The following RUVBL2 variants were observed in gnomAD, a reference collection of about 807,000 sequenced individuals.
RUVBL2 encodes ruvB-like 2.
A neutral mutation model predicts 57.9 loss-of-function variants in RUVBL2; 9 were observed. That is an observed-to-expected ratio of 0.16 (90% CI 0.09 to 0.27). RUVBL2 has a LOEUF of 0.27. Among genes scored for constraint, RUVBL2 ranks in the 10% least tolerant of loss-of-function variants. The pLI, the probability that RUVBL2 is intolerant of heterozygous loss-of-function variation, is 1.00. For missense variants in RUVBL2, 456 were observed against 669.6 expected (o/e 0.68, Z 3.52); for synonymous variants, 278 against 264.6 (o/e 1.05, Z -0.49).
At chr19:49,006,900 T>C (rs2039291648) in intron 4 of RUVBL2, 118 bp from the exon 5 acceptor site, 3 of 1,330,018 alleles carry the variant, frequency 2.3e-6, no homozygotes, top group East Asian at 2.3e-5. Context: ...AGTCCTTACA[T>C]GTAGGATGGC....
Position 49,015,590 on chromosome 19 carries a change from G to A in RUVBL2, c.1270G>A (p.Asp424Asn). 6.2e-7 allele frequency: 1 copy of A among 1,614,000 alleles called. No homozygotes were observed. Among genetic ancestry groups the A allele is most frequent in the Non-Finnish European group, 8.5e-7 (1 of 1,179,974 alleles). The change falls in exon 14 of 15, where the codon GAT becomes AAT. Residue 424 changes from aspartate to asparagine, a missense_variant. Around this residue, in one of 5 missense-constraint regions of RUVBL2, gnomAD observed 67 missense variants for 71.5 expected, o/e 0.94. Transcript: ENST00000595090. ...CCTCCAGGGTACAGAAGTGCAGGTG[G>A]ATGACATCAAGCGGGTCTACTCACT... is the stretch of plus-strand genomic sequence containing the variant. ...RKRKGTEVQV[D>N]DIKRVYSLFL...
At chr19:49,003,157 A>G (rs1467082720) in intron 2 of RUVBL2, 122 bp from the exon 3 acceptor site, 3 of 811,072 alleles carry the variant, frequency 3.7e-6, no homozygotes, top group East Asian at 2.6e-5. Flanking sequence ...CATTCCCCCA[A>G]CCCCTGCTCC....
intron 8 of RUVBL2, 127 bp downstream of exon 8, chr19:49,010,193 G>C (rs531626854): frequency 2.2e-6 from 2 of 922,548 alleles, no homozygotes; most frequent in African/African-American, 3.3e-5. Context: ...GGTACTCCTG[G>C]GTCTTCCCTG....
chr19:49,014,544 G>C lies in RUVBL2; in HGVS notation c.1062G>C (p.Leu354=), dbSNP rs2039502918. 1 of 1,614,020 alleles carries C rather than the reference G, an allele frequency of 6.2e-7. No individual in the cohort carries two copies. Among genetic ancestry groups the C allele is most frequent in the Non-Finnish European group, 8.5e-7 (1 of 1,180,030 alleles). ...HGIPIDLLDR[L]LIVSTTPYSE... ...TCCCCATAGACCTGCTGGACCGGCT[G>C]CTTATCGTCTCCACCACCCCCTACA... Residue 354 remains leucine, a synonymous_variant, in exon 12 of 15, where the codon CTG becomes CTC. Transcript: ENST00000595090.
At chr19:49,013,932 C>T (rs548483218) in intron 11 of RUVBL2, among the ~76,000 whole-genome samples, 1 of 152,248 alleles carries the variant, frequency 6.6e-6, no homozygotes, top group East Asian at 1.9e-4. Context: ...ACCAAAAAGA[C>T]CAGAAACACA....
chr19:49,008,652 C>T (rs1231467865), intron 6 of RUVBL2, among the ~76,000 whole-genome samples: 1 of 151,938 alleles, frequency 6.6e-6, no homozygotes, highest in East Asian at 1.9e-4. Context: ...CGAAACGAGC[C>T]TGACTAACAT....
chr19:49,001,218 G>T (rs1377357552), intron 2 of RUVBL2: 2 of 150,192 alleles, frequency 1.3e-5, no homozygotes, highest in Non-Finnish European at 3.0e-5. Context: ...CTGGAGTGCA[G>T]TGGCGCAATC....
chr19:49,004,440 G>C (rs1384354787), intron 4 of RUVBL2, 22 bp downstream of exon 4: 4 of 1,602,928 alleles, frequency 2.5e-6, no homozygotes, highest in Non-Finnish European at 3.4e-6. Context: ...CCCAGGGCAG[G>C]AACTCTCCTG....
intron 6 of RUVBL2, among the ~76,000 whole-genome samples, chr19:49,009,075 T>A (rs1045601137): frequency 8.0e-6 from 1 of 124,374 alleles, no homozygotes; most frequent in African/African-American, 3.2e-5. Flanking sequence ...GCAGGAGAAC[T>A]ACTTGAACCC....
At chr19:49,001,015 C>T (rs1327250437) in intron 2 of RUVBL2, among the ~76,000 whole-genome samples, 3 of 151,504 alleles carry the variant, frequency 2.0e-5, no homozygotes, top group Non-Finnish European at 2.9e-5. Flanking sequence ...AAAAATTAGC[C>T]GGCAGTGGTG....
chr19:49,014,689 G>T, intron 12 of RUVBL2, 86 bp downstream of exon 12: 1 of 1,527,832 alleles, frequency 6.5e-7, no homozygotes, highest in East Asian at 2.3e-5. Flanking sequence ...GTCCAGCGGA[G>T]TGGCATGGTG....
At chr19:49,003,189 A>C in intron 2 of RUVBL2, 90 bp from the exon 3 acceptor site, 1 of 581,532 alleles carries the variant, frequency 1.7e-6, no homozygotes. Context: ...CACCCCTTTG[A>C]CAAAGAAGGA....
At chr19:48,996,239 C>A (rs545228685) in intron 1 of RUVBL2, among the ~76,000 whole-genome samples, 25 of 152,158 alleles carry the variant, frequency 1.6e-4, no homozygotes, top group African/African-American at 5.3e-4. Flanking sequence ...CTTCCTTTTC[C>A]TTATTAGAAA....
At chr19:48,993,626 C>T (rs964465145), upstream of RUVBL2, 4 of 566,234 alleles carry the variant, frequency 7.1e-6, no homozygotes, top group Admixed American at 6.2e-5. Context: ...ACTCAAAGAA[C>T]AGCTAAGAAT....
At position 48,999,346 on chromosome 19, in the gene RUVBL2, C is replaced by G; in HGVS notation, c.40C>G (p.Arg14Gly). The G allele has an allele frequency of 1.2e-6, 2 of 1,614,140 alleles. No homozygotes were observed. The highest frequency in any genetic ancestry group is 1.7e-6 in the Non-Finnish European group (2 of 1,180,026). Residue 14 changes from arginine to glycine, a missense_variant, in exon 2 of 15, where the codon CGT (arginine) becomes GGT (glycine). Around this residue, in one of 5 missense-constraint regions of RUVBL2, gnomAD observed 22 missense variants for 23.9 expected, o/e 0.92. Coordinates refer to ENST00000595090, the MANE Select transcript of RUVBL2 (RefSeq NM_006666.3). Reference protein sequence around the residue: ...VTATTKVPEIRDVTRIERIGA... With the variant: ...VTATTKVPEIGDVTRIERIGA... ...AGCCACAACCAAAGTCCCGGAGATC[C>G]GTGATGTAACAAGGATTGAGCGAAT... is the stretch of plus-strand genomic sequence containing the variant.
At chr19:49,010,467 T>TGCCCCCC in intron 8 of RUVBL2, 21 bp from the exon 9 acceptor site, 698 of 1,400,822 alleles carry the variant, frequency 5.0e-4, no homozygotes, top group Non-Finnish European at 6.3e-4. Context: ...CCGCCGTTCT[T>TGCCCCCC]CCCCCACCCC....
At position 49,011,681 on chromosome 19, in the gene RUVBL2, G is replaced by A. The variant is rs577822527; in HGVS notation, c.1001+371G>A. ...TAAACTACGATTGTTCAGTCACTTC[G>A]ACCCAGCAACTCCATTAACAGAACT... On this transcript the variant is annotated intron_variant, in intron 11 of 14. Transcript: ENST00000595090. The surrounding 1 kb of genome is among the most constrained non-coding windows in gnomAD (Gnocchi z 4.4). Among the ~76,000 whole-genome samples, 9 of 152,276 alleles carry A rather than the reference G, an allele frequency of 5.9e-5. No individual in the cohort carries two copies. Among genetic ancestry groups the A allele is most frequent in the Non-Finnish European group, 1.2e-4 (8 of 68,028 alleles).
At chr19:49,010,747 C>T (rs2039405069) in intron 9 of RUVBL2, 136 bp downstream of exon 9, 6 of 1,308,618 alleles carry the variant, frequency 4.6e-6, no homozygotes, top group Non-Finnish European at 6.3e-6. Context: ...CCGTGGCTGC[C>T]TCTGTTCTCC....
chr19:49,012,019 G>A (rs2039439392), intron 11 of RUVBL2, among the ~76,000 whole-genome samples: 1 of 152,152 alleles, frequency 6.6e-6, no homozygotes, highest in Non-Finnish European at 1.5e-5. Context: ...TGGCCCGCAG[G>A]AAGCAGGGGG....
Sources: allele counts gnomAD v4.1 joint callset (sites outside exome capture counted in the v4.1 genomes callset), GRCh38; gene constraint gnomAD v4.1.1; regional missense constraint gnomAD v4.1.1; non-coding constraint Gnocchi (gnomAD v3.1); transcripts MANE v1.5; gene names NCBI Gene and HGNC (gene_info 2026-07-23, HGNC 2026-07-21).